The following LEPR variants were observed in gnomAD, a reference collection of about 807,000 sequenced individuals.
LEPR encodes the protein OB receptor.
A neutral mutation model predicts 114.7 loss-of-function variants in LEPR; 56 were observed. The ratio of observed to expected loss-of-function variants is 0.49; its 90% CI spans 0.39 to 0.61. LEPR has a LOEUF of 0.61. Ranked by LOEUF, LEPR falls within the 20% of genes least tolerant of loss-of-function variation. The pLI is 0.00. For synonymous variants in LEPR, 443 were observed against 461.4 expected (o/e 0.96, Z 0.51); for missense variants, 1,202 against 1,352.9 (o/e 0.89, Z 1.75).
chr1:65,549,708 A>C (rs1205196535), intron 2 of LEPR, among the ~76,000 whole-genome samples: 1 of 151,960 alleles, frequency 6.6e-6, no homozygotes, highest in East Asian at 1.9e-4. Flanking sequence ...CTAGTTATAC[A>C]TTTGTCTAAA....
At chr1:65,459,864 AC>A (rs536273051) in intron 2 of LEPR, among the ~76,000 whole-genome samples, 126 of 152,224 alleles carry the variant, frequency 8.3e-4, no homozygotes, top group East Asian at 2.3e-3. Flanking sequence ...TTACCTCAGA[AC>A]CTTTGCCCTT....
chr1:65,423,466 G>C (rs1320307791), intron 1 of LEPR, among the ~76,000 whole-genome samples: 5 of 152,206 alleles, frequency 3.3e-5, no homozygotes, highest in African/African-American at 9.6e-5. Flanking sequence ...GCAGTACCTA[G>C]CTTTGACAGG....
At chr1:65,524,280 A>G (rs1649789392) in intron 2 of LEPR, among the ~76,000 whole-genome samples, 1 of 152,182 alleles carries the variant, frequency 6.6e-6, no homozygotes, top group Non-Finnish European at 1.5e-5. Context: ...TTTTGTCTCC[A>G]TCCAATAGAG....
intron 6 of LEPR, 141 bp from the exon 7 acceptor site, chr1:65,596,307 A>G (rs1656060727): frequency 1.0e-6 from 1 of 999,480 alleles, no homozygotes; most frequent in East Asian, 2.7e-5. Context: ...TTTCGGTTCT[A>G]TAATTAGTCC....
intron 2 of LEPR, chr1:65,525,898 C>T (rs1446266040): frequency 1.1e-6 from 1 of 951,622 alleles, no homozygotes; most frequent in Non-Finnish European, 1.3e-6. Flanking sequence ...GGCTTTGGGA[C>T]GCGCGTGGCA....
intron 5 of LEPR, among the ~76,000 whole-genome samples, chr1:65,572,653 C>T (rs775968236): frequency 1.3e-5 from 2 of 152,186 alleles, no homozygotes; most frequent in South Asian, 4.2e-4. Flanking sequence ...TTTAGGGTCA[C>T]GATTGTCAGG....
chr1:65,463,157 T>A (rs1217989206), intron 2 of LEPR, among the ~76,000 whole-genome samples: 1 of 152,222 alleles, frequency 6.6e-6, no homozygotes, highest in African/African-American at 2.4e-5. Context: ...TAATCCATCT[T>A]GAGTTAATTT....
intron 7 of LEPR, 84 bp downstream of exon 7, chr1:65,596,677 A>G: frequency 8.4e-7 from 1 of 1,188,734 alleles, no homozygotes; most frequent in Non-Finnish European, 1.2e-6. Context: ...CCCTCTGCAT[A>G]CTAAATATAT....
rs190885231 is a variant in LEPR at position 65,474,503 on chromosome 1, A to T, written c.-21+49125A>T. ...ATCTGGTCACTATCTAAGTAGCTAA[A>T]CAACTAAACATTAGCAAGAGAAGTC... On this transcript the variant is annotated intron_variant, in intron 2 of 19. Transcript: ENST00000349533. Among the ~76,000 whole-genome samples the T allele has an allele frequency of 1.8e-3, 278 of 152,362 alleles. 1 individual carries two copies. The highest frequency in any genetic ancestry group is 0.014 in the Middle Eastern group (4 of 294).
intron 10 of LEPR, 119 bp downstream of exon 10, chr1:65,602,079 T>C: frequency 1.1e-6 from 1 of 923,358 alleles, no homozygotes. Flanking sequence ...GAAAGTATAA[T>C]ATAATGAATC....
chr1:65,481,918 C>G (rs1453066445), intron 2 of LEPR, among the ~76,000 whole-genome samples: 1 of 150,792 alleles, frequency 6.6e-6, no homozygotes, highest in Non-Finnish European at 1.5e-5. Flanking sequence ...AGGAAATTAG[C>G]ATTTTAGAAA....
intron 7 of LEPR, among the ~76,000 whole-genome samples, chr1:65,598,242 G>T (rs1256060722): frequency 6.6e-6 from 1 of 151,626 alleles, no homozygotes. Flanking sequence ...CCAGGCTCAG[G>T]TTCTTAAGAC....
At chr1:65,482,813 C>G (rs1261192025) in intron 2 of LEPR, among the ~76,000 whole-genome samples, 2 of 152,020 alleles carry the variant, frequency 1.3e-5, no homozygotes, top group African/African-American at 4.8e-5. Context: ...TGGTGAAACC[C>G]TGTCTCTACT....
chr1:65,601,714 C>A, intron 9 of LEPR, 32 bp downstream of exon 9: 1 of 1,612,692 alleles, frequency 6.2e-7, no homozygotes, highest in South Asian at 1.1e-5. Flanking sequence ...TCATTTTGTT[C>A]CACAACTTGA....
intron 2 of LEPR, among the ~76,000 whole-genome samples, chr1:65,515,924 T>A (rs547162079): frequency 2.6e-5 from 4 of 152,338 alleles, no homozygotes; most frequent in African/African-American, 9.6e-5. Context: ...AATTATCCTG[T>A]TAATTAAGGA....
intron 2 of LEPR, among the ~76,000 whole-genome samples, chr1:65,459,445 C>T (rs1646917743): frequency 6.6e-6 from 1 of 152,170 alleles, no homozygotes; most frequent in Non-Finnish European, 1.5e-5. Flanking sequence ...GCCAGCAAAG[C>T]TCACTGGGGA....
chr1:65,525,923 C>G (rs1413786784), intron 2 of LEPR: 1 of 902,374 alleles, frequency 1.1e-6, no homozygotes, highest in Non-Finnish European at 1.3e-6. Flanking sequence ...CGGAGCCCCG[C>G]GGGCCGCTTA....
At chr1:65,512,937 T>C (rs957069213) in intron 2 of LEPR, among the ~76,000 whole-genome samples, 7 of 152,204 alleles carry the variant, frequency 4.6e-5, no homozygotes, top group Non-Finnish European at 8.8e-5. Context: ...ACTGTGTTCT[T>C]ATATGCGGCA....
chr1:65,528,356 A>G (rs1570615985), intron 2 of LEPR, among the ~76,000 whole-genome samples: 1 of 152,142 alleles, frequency 6.6e-6, no homozygotes, highest in Non-Finnish European at 1.5e-5. Flanking sequence ...GCAAATGTTC[A>G]CCTACTGGCC....
Sources: allele counts gnomAD v4.1 joint callset (sites outside exome capture counted in the v4.1 genomes callset), GRCh38; gene constraint gnomAD v4.1.1; transcripts MANE v1.5; gene names NCBI Gene and HGNC (gene_info 2026-07-23, HGNC 2026-07-21).